Variants in EEF1AKMT1 observed in about 807,000 individuals in gnomAD.
The protein encoded by EEF1AKMT1 is EEF1A lysine methyltransferase 1, also known as N-6 adenine-specific DNA methyltransferase 2 (putative).
In EEF1AKMT1, 18 loss-of-function variants were observed where a neutral mutation model predicts 21.0. That is an observed-to-expected ratio of 0.86 (90% CI 0.59 to 1.27). The LOEUF (loss-of-function observed/expected upper bound fraction) is 1.27, where lower values mean the gene tolerates loss of function less well. EEF1AKMT1 is among the 50% of genes most tolerant of loss of function. EEF1AKMT1 has a pLI of 0.00. For synonymous variants in EEF1AKMT1, 109 were observed against 94.8 expected, an observed-to-expected ratio of 1.15 and a Z score of -0.87; for missense variants, 246 against 258.6, an observed-to-expected ratio of 0.95 and a Z score of 0.33.
chr13:20,730,956 G>A (rs2265210), intron 4 of EEF1AKMT1, among the ~76,000 whole-genome samples: 61,189 of 151,990 alleles, frequency 0.4, 13,575 homozygotes, highest in East Asian at 0.76. Flanking sequence ...AACACATACC[G>A]CAAGGGTCTG....
At chr13:20,761,737 A>G (rs768914626) in intron 1 of EEF1AKMT1, among the ~76,000 whole-genome samples, 1 of 152,224 alleles carries the variant, frequency 6.6e-6, no homozygotes, top group Non-Finnish European at 1.5e-5. Flanking sequence ...TTCTCTTTGC[A>G]GTCATGTAGT....
chr13:20,742,696 A>T (rs1360126192), intron 2 of EEF1AKMT1, among the ~76,000 whole-genome samples: 3 of 152,184 alleles, frequency 2.0e-5, no homozygotes, highest in Admixed American at 2.0e-4. Flanking sequence ...CCAACACCTA[A>T]CGCAAGCCAA....
At chr13:20,771,101 G>A (rs1043027362) in intron 1 of EEF1AKMT1, among the ~76,000 whole-genome samples, 4 of 152,034 alleles carry the variant, frequency 2.6e-5, no homozygotes, top group South Asian at 2.1e-4. Context: ...TGAACTCCTC[G>A]ATTCAAGTGA....
At chr13:20,749,825 T>G (rs2058930850) in intron 2 of EEF1AKMT1, among the ~76,000 whole-genome samples, 1 of 152,232 alleles carries the variant, frequency 6.6e-6, no homozygotes, top group African/African-American at 2.4e-5. Flanking sequence ...AGAAGTGCAA[T>G]GTAACTCATA....
At chr13:20,767,952 C>A (rs958797154) in intron 1 of EEF1AKMT1, among the ~76,000 whole-genome samples, 9 of 152,242 alleles carry the variant, frequency 5.9e-5, no homozygotes, top group African/African-American at 2.2e-4. Context: ...ACAGACATTT[C>A]ATCTCAGACC....
chr13:20,736,679 G>A (rs1406311655), intron 3 of EEF1AKMT1, among the ~76,000 whole-genome samples: 2 of 151,760 alleles, frequency 1.3e-5, no homozygotes, highest in Non-Finnish European at 2.9e-5. Flanking sequence ...GAGAGTTTGG[G>A]GGTTAATCAG....
chr13:20,745,162 C>T (rs960380052), intron 2 of EEF1AKMT1, among the ~76,000 whole-genome samples: 12 of 152,124 alleles, frequency 7.9e-5, no homozygotes, highest in East Asian at 7.7e-4. Context: ...CTTGGCTATA[C>T]GGGCTCTTTT....
At chr13:20,769,213 C>A (rs1595033329) in intron 1 of EEF1AKMT1, 1 of 152,192 alleles carries the variant, frequency 6.6e-6, no homozygotes, top group East Asian at 1.9e-4. Context: ...AACACAAAAT[C>A]TAAGTAAACA....
At chr13:20,739,665 G>A (rs190532035) in intron 2 of EEF1AKMT1, among the ~76,000 whole-genome samples, 2 of 152,310 alleles carry the variant, frequency 1.3e-5, no homozygotes, top group East Asian at 3.9e-4. Context: ...TAGGCACAGA[G>A]TGCTGATTGG....
intron 2 of EEF1AKMT1, among the ~76,000 whole-genome samples, chr13:20,746,157 TA>T (rs774066716): frequency 2.8e-4 from 42 of 152,194 alleles, no homozygotes; most frequent in Admixed American, 6.5e-4. Context: ...GTCTATCCAT[TA>T]TTTTTTTTTT....
chr13:20,744,667 T>C (rs1595018998), intron 2 of EEF1AKMT1, among the ~76,000 whole-genome samples: 2 of 152,250 alleles, frequency 1.3e-5, no homozygotes, highest in Non-Finnish European at 1.5e-5. Context: ...TCTTTTGCTC[T>C]GCAGAAGCTC....
chr13:20,756,926 C>A (rs2058975048), intron 2 of EEF1AKMT1, among the ~76,000 whole-genome samples: 1 of 152,176 alleles, frequency 6.6e-6, no homozygotes, highest in Non-Finnish European at 1.5e-5. Flanking sequence ...GGTAACCATC[C>A]CCTAAACCTG....
In EEF1AKMT1 at chr13:20,738,879, G is replaced by A. The variant is rs61513396; in HGVS notation, c.145-1074C>T. Reference sequence around the variant, plus strand: ...ACATATGGTTTCTTTTAGACGCAACGAAAATGTTCTAAAATTGACTGTGGT... The same window carrying A: ...ACATATGGTTTCTTTTAGACGCAACAAAAATGTTCTAAAATTGACTGTGGT... On this transcript the variant is annotated intron_variant, in intron 2 of 4. Transcript: ENST00000382758. Among the ~76,000 whole-genome samples the A allele has an allele frequency of 1.1e-3, 167 of 151,814 alleles. 1 individual carries two copies. The highest frequency in any genetic ancestry group is 3.6e-3 in the African/African-American group (150 of 41,104).
intron 3 of EEF1AKMT1, among the ~76,000 whole-genome samples, chr13:20,733,248 A>C (rs2058808587): frequency 6.6e-6 from 1 of 152,050 alleles, no homozygotes; most frequent in Admixed American, 6.6e-5. Flanking sequence ...GGCACCCGCC[A>C]CCACGCCTGG....
At chr13:20,729,605 TC>T (rs1164317163) in intron 4 of EEF1AKMT1, among the ~76,000 whole-genome samples, 1 of 152,050 alleles carries the variant, frequency 6.6e-6, no homozygotes, top group African/African-American at 2.4e-5. Flanking sequence ...TAATATCCAA[TC>T]TTGCAAACAC....
chr13:20,766,258 C>CA (rs1183093854), intron 1 of EEF1AKMT1, among the ~76,000 whole-genome samples: 2 of 127,928 alleles, frequency 1.6e-5, no homozygotes, highest in Non-Finnish European at 3.1e-5. Context: ...GAGATCACAA[C>CA]ACTGCACTCC....
chr13:20,732,946 C>G (rs2058806057), intron 3 of EEF1AKMT1, among the ~76,000 whole-genome samples: 1 of 152,082 alleles, frequency 6.6e-6, no homozygotes, highest in East Asian at 1.9e-4. Flanking sequence ...TGCTTTGCTT[C>G]TTTTTTGTAT....
chr13:20,764,523 T>C (rs918616407), intron 1 of EEF1AKMT1, among the ~76,000 whole-genome samples: 4 of 152,170 alleles, frequency 2.6e-5, no homozygotes, highest in African/African-American at 9.7e-5. Flanking sequence ...ATCCTTTTGG[T>C]TAATGGTGTT....
chr13:20,765,405 GTT>G (rs1171165259), intron 1 of EEF1AKMT1, among the ~76,000 whole-genome samples: 505 of 58,582 alleles, frequency 8.6e-3, no homozygotes, highest in African/African-American at 0.024. Flanking sequence ...CTTCCCTTGG[GTT>G]TTTTTTTTTT....
Sources: allele counts gnomAD v4.1 joint callset (sites outside exome capture counted in the v4.1 genomes callset), GRCh38; gene constraint gnomAD v4.1.1; transcripts MANE v1.5; gene names NCBI Gene and HGNC (gene_info 2026-07-23, HGNC 2026-07-21).